The following CPA6 variants were observed in gnomAD, a reference collection of about 807,000 sequenced individuals.
CPA6 encodes carboxypeptidase B.
CPA6 carries 58 observed loss-of-function variants against 63.3 expected under a neutral mutation model. The observed-to-expected ratio is 0.92, with a 90% CI of 0.74 to 1.14. The LOEUF (loss-of-function observed/expected upper bound fraction) is 1.14. CPA6 is among the 50% of genes most tolerant of loss of function. The pLI, the probability that CPA6 is intolerant of heterozygous loss-of-function variation, is 0.00. For missense variants in CPA6, 565 were observed against 526.6 expected, an observed-to-expected ratio of 1.07 and a Z score of -0.71; for synonymous variants, 185 against 179.0, an observed-to-expected ratio of 1.03 and a Z score of -0.27.
chr8:67,659,518 T>A (rs968560639), intron 1 of CPA6, among the ~76,000 whole-genome samples: 1 of 152,238 alleles, frequency 6.6e-6, no homozygotes, highest in Non-Finnish European at 1.5e-5. Context: ...GATAGATAAG[T>A]CTTTCTCCTC....
intron 1 of CPA6, among the ~76,000 whole-genome samples, chr8:67,734,105 T>C (rs1817769200): frequency 6.6e-6 from 1 of 151,716 alleles, no homozygotes. Context: ...CTCCAACTCC[T>C]GGGCTCAAGT....
rs1564021469 is a variant in CPA6 at position 67,607,240 on chromosome 8, CTTCTTCTT to C, written c.192+16928_192+16935del. The stretch of plus-strand genomic sequence containing the variant: ...TCTTCTTCTTCTTCTTCTTCTTCTT[CTTCTTCTT>C]CTTCTCCTCCTCCTCCTTTCTTCTT... On this transcript the variant is annotated intron_variant, in intron 2 of 10. Coordinates refer to ENST00000297770, the MANE Select transcript of CPA6 (RefSeq NM_020361.5). 1.6e-4 allele frequency among the ~76,000 whole-genome samples: 18 copies of C among 116,010 alleles called. 1 individual carries two copies. The highest frequency in any genetic ancestry group is 1.2e-3 in the East Asian group (5 of 4,026). The allele number at this position is 116,010 out of a possible 152,430, so 76.1% of individuals were successfully genotyped here. A position where few individuals can be genotyped will look rare whatever the true frequency, so the allele number is the denominator to read the frequency against.
chr8:67,475,952 T>C lies in CPA6; in HGVS notation c.838+7816A>G, dbSNP rs1330236858. Among the ~76,000 whole-genome samples, 5 of 145,730 alleles carry C rather than the reference T, an allele frequency of 3.4e-5. 1 individual carries two copies. The highest frequency in any genetic ancestry group is 1.0e-4 in the African/African-American group (4 of 38,294). On this transcript the variant is annotated intron_variant, in intron 8 of 10. Coordinates refer to ENST00000297770, the MANE Select transcript of CPA6 (RefSeq NM_020361.5). The stretch of plus-strand genomic sequence containing the variant: ...TTTCTTTCTCTTTCTTTCTCTGTCT[T>C]TCTTTCTCTTTCTCTCTCTCTCTTT...
Position 67,721,798 on chromosome 8 carries a change from G to C in CPA6, c.116+24216C>G, listed in dbSNP as rs1235648693. On this transcript the variant is annotated intron_variant, in intron 1 of 10. Transcript: ENST00000297770. ...CACTAAAAGTTACTTTTTTATGGTA[G>C]GGGCTTTCAAAATGCTTGTTGCCAT... Among the ~76,000 whole-genome samples, 3 of 152,158 alleles carry C rather than the reference G, an allele frequency of 2.0e-5. No homozygotes were observed. The East Asian group carries it at 5.8e-4, about 29-fold the overall frequency.
At chr8:67,439,088 A>G (rs1188756941) in intron 8 of CPA6, among the ~76,000 whole-genome samples, 1 of 151,860 alleles carries the variant, frequency 6.6e-6, no homozygotes, top group Non-Finnish European at 1.5e-5. Flanking sequence ...TGAGGCCAGG[A>G]GTTTGAGACC....
chr8:67,500,721 T>C (rs1175522745), intron 6 of CPA6, among the ~76,000 whole-genome samples: 1 of 151,910 alleles, frequency 6.6e-6, no homozygotes, highest in Non-Finnish European at 1.5e-5. Flanking sequence ...TTTTTGTATA[T>C]GGTATGAGAC....
chr8:67,607,195 CTTCTTCTTCTT>C, intron 2 of CPA6, among the ~76,000 whole-genome samples: 1 of 63,196 alleles, frequency 1.6e-5, no homozygotes, highest in Non-Finnish European at 3.0e-5. Flanking sequence ...TCTTCTTCTT[CTTCTTCTTCTT>C]CTTCTTCTTC....
At chr8:67,468,381 G>A (rs34371052) in intron 8 of CPA6, among the ~76,000 whole-genome samples, 71,420 of 151,226 alleles carry the variant, frequency 0.47, 19,133 homozygotes, top group African/African-American at 0.76. Flanking sequence ...TCAGGAGTTC[G>A]AGACCAGCCT....
At chr8:67,534,881 C>T (rs572202513) in intron 2 of CPA6, among the ~76,000 whole-genome samples, 28 of 151,550 alleles carry the variant, frequency 1.8e-4, no homozygotes, top group African/African-American at 3.6e-4. Context: ...CCCCACCCCC[C>T]GACAGGCCCT....
At chr8:67,566,812 A>C (rs959513896) in intron 2 of CPA6, among the ~76,000 whole-genome samples, 4 of 151,186 alleles carry the variant, frequency 2.6e-5, no homozygotes, top group Non-Finnish European at 5.9e-5. Flanking sequence ...CAGTGCATGA[A>C]CTCTAACCTC....
At position 67,542,973 on chromosome 8, in the gene CPA6, A is replaced by G. The variant is rs117946601; in HGVS notation, c.193-24926T>C. ...TAGAATAAGAACCTATATTAACCAT[A>G]TCTATATTAATTATTTAGTATTTGT... is the stretch of plus-strand genomic sequence containing the variant. On this transcript the variant is annotated intron_variant, in intron 2 of 10. Transcript: ENST00000297770. Among the ~76,000 whole-genome samples, 395 of 152,320 alleles carry G rather than the reference A, an allele frequency of 2.6e-3. 1 individual carries two copies. Among genetic ancestry groups the G allele is most frequent in the Non-Finnish European group, 2.2e-3 (153 of 68,038 alleles).
At chr8:67,626,441 A>G (rs1290295665) in intron 1 of CPA6, among the ~76,000 whole-genome samples, 1 of 152,180 alleles carries the variant, frequency 6.6e-6, no homozygotes, top group African/African-American at 2.4e-5. Context: ...TGTTTTATGG[A>G]CTGCTACTCT....
At chr8:67,638,235 G>A (rs538742375) in intron 1 of CPA6, among the ~76,000 whole-genome samples, 2 of 151,270 alleles carry the variant, frequency 1.3e-5, no homozygotes, top group Non-Finnish European at 2.9e-5. Flanking sequence ...TAAAACCTTA[G>A]TGAAAAGATG....
chr8:67,472,412 CTTATT>C (rs76537277), intron 8 of CPA6, among the ~76,000 whole-genome samples: 19 of 57,766 alleles, frequency 3.3e-4, no homozygotes, highest in South Asian at 9.2e-4. Context: ...TTTATCTTAT[CTTATT>C]TTATTTTATT....
At chr8:67,507,190 A>G (rs1587503082) in intron 5 of CPA6, among the ~76,000 whole-genome samples, 2 of 152,006 alleles carry the variant, frequency 1.3e-5, no homozygotes, top group Admixed American at 1.3e-4. Flanking sequence ...AATTTTTAAG[A>G]GCTGAGTTCT....
intron 1 of CPA6, among the ~76,000 whole-genome samples, chr8:67,678,264 A>AC (rs1456845314): frequency 9.0e-6 from 1 of 110,688 alleles, no homozygotes; most frequent in Non-Finnish European, 2.0e-5. Flanking sequence ...CACACACACA[A>AC]ACCCTGATGA....
intron 8 of CPA6, among the ~76,000 whole-genome samples, chr8:67,458,373 T>A (rs1810726382): frequency 6.6e-6 from 1 of 152,132 alleles, no homozygotes. Context: ...ATTTTTTGTA[T>A]TTTTAGTAGA....
chr8:67,594,263 T>C (rs1814226686), intron 2 of CPA6, among the ~76,000 whole-genome samples: 1 of 152,216 alleles, frequency 6.6e-6, no homozygotes, highest in African/African-American at 2.4e-5. Context: ...GCTGTTAGTC[T>C]GATGGGCTTC....
chr8:67,695,372 T>C (rs1176172257), intron 1 of CPA6, among the ~76,000 whole-genome samples: 1 of 152,198 alleles, frequency 6.6e-6, no homozygotes, highest in East Asian at 1.9e-4. Context: ...TTCCCTAGGA[T>C]GACCAGCCAG....
Sources: gnomAD v4.1 joint callset for allele counts (sites outside exome capture counted in the v4.1 genomes callset) on GRCh38, gnomAD v4.1.1 for gene constraint, MANE v1.5 for transcripts, NCBI Gene and HGNC (gene_info 2026-07-23, HGNC 2026-07-21) for gene names.